Variants in ZBTB20 observed in about 807,000 individuals in gnomAD.
ZBTB20 encodes zinc finger and BTB domain containing 20, also known as zinc finger and BTB domain-containing protein 20.
Under a neutral mutation model 56.9 loss-of-function variants are expected in ZBTB20, and 9 were observed. The observed-to-expected ratio is 0.16, with a 90% CI of 0.10 to 0.28. The LOEUF (loss-of-function observed/expected upper bound fraction) is 0.28. ZBTB20 is among the 10% of genes least tolerant of loss of function. The pLI, the probability that ZBTB20 is intolerant of heterozygous loss-of-function variation, is 1.00. For synonymous variants in ZBTB20, 417 were observed against 420.7 expected (o/e 0.99, Z 0.11); for missense variants, 655 against 1,003.0 (o/e 0.65, Z 4.69).
At chr3:114,823,748 G>T (rs149012070) in intron 4 of ZBTB20, among the ~76,000 whole-genome samples, 6 of 151,958 alleles carry the variant, frequency 3.9e-5, no homozygotes, top group African/African-American at 1.2e-4. Context: ...AATATCTGCT[G>T]ATTTTATTTT....
At position 114,952,387 on chromosome 3, in the gene ZBTB20, A is replaced by G. The variant is rs548564107; in HGVS notation, c.-456+21979T>C. Among the ~76,000 whole-genome samples the G allele has an allele frequency of 3.3e-5, 5 of 152,182 alleles. No homozygotes were observed. The South Asian group carries it at 1.0e-3, about 32-fold the overall frequency. ...TGTTAGATGCTAGCATCATGATCTTAGACTTCTCAGCTTTTAGAACTGTGA... is the reference window on the plus strand; with the variant it reads ...TGTTAGATGCTAGCATCATGATCTTGGACTTCTCAGCTTTTAGAACTGTGA... On this transcript the variant is annotated intron_variant, in intron 3 of 11. Transcript: ENST00000675478.
intron 1 of ZBTB20, among the ~76,000 whole-genome samples, chr3:115,097,463 A>T (rs1460725131): frequency 1.3e-5 from 2 of 151,864 alleles, no homozygotes; most frequent in African/African-American, 4.8e-5. Context: ...TTTTTTTTAA[A>T]AAAAATCTAC....
At chr3:114,361,021 T>C (rs959327251) in intron 10 of ZBTB20, among the ~76,000 whole-genome samples, 2 of 152,176 alleles carry the variant, frequency 1.3e-5, no homozygotes, top group Non-Finnish European at 2.9e-5. Context: ...GTAGGCATTT[T>C]ATCTTTATGA....
intron 4 of ZBTB20, among the ~76,000 whole-genome samples, chr3:114,848,260 A>G (rs778663040): frequency 6.6e-6 from 1 of 152,134 alleles, no homozygotes; most frequent in East Asian, 1.9e-4. Context: ...GTCTGAACAC[A>G]TGCGGGCAGG....
intron 6 of ZBTB20, among the ~76,000 whole-genome samples, chr3:114,521,766 CCTAT>C (rs1182768551): frequency 2.0e-5 from 3 of 152,052 alleles, no homozygotes; most frequent in African/African-American, 2.4e-5. Flanking sequence ...GAAATAGTGG[CCTAT>C]CTAAGATTCT....
intron 5 of ZBTB20, among the ~76,000 whole-genome samples, chr3:114,773,187 C>T (rs751720428): frequency 1.2e-4 from 19 of 152,172 alleles, no homozygotes; most frequent in African/African-American, 2.2e-4. Context: ...AGAATCCAGC[C>T]GACACCTTGA....
intron 5 of ZBTB20, among the ~76,000 whole-genome samples, chr3:114,741,580 C>T (rs747915405): frequency 3.3e-5 from 5 of 151,986 alleles, no homozygotes; most frequent in South Asian, 2.1e-4. Context: ...GGCTTCTCTA[C>T]GACATACAGA....
intron 5 of ZBTB20, among the ~76,000 whole-genome samples, chr3:114,754,867 T>C (rs986437296): frequency 6.6e-6 from 1 of 152,228 alleles, no homozygotes; most frequent in Non-Finnish European, 1.5e-5. Context: ...ATTAGTGTTT[T>C]AGTTAGTGTT....
intron 6 of ZBTB20, among the ~76,000 whole-genome samples, chr3:114,677,471 G>C (rs1405439580): frequency 6.6e-6 from 1 of 152,072 alleles, no homozygotes; most frequent in Non-Finnish European, 1.5e-5. Flanking sequence ...ACCCTACTGT[G>C]AACTGTGTAT....
chr3:114,927,706 T>A (rs2076208594), intron 3 of ZBTB20, among the ~76,000 whole-genome samples: 1 of 152,154 alleles, frequency 6.6e-6, no homozygotes, highest in South Asian at 2.1e-4. Context: ...AAATTAAAAA[T>A]AAGCACACAT....
At chr3:114,679,661 T>A (rs1242631554) in intron 6 of ZBTB20, among the ~76,000 whole-genome samples, 1 of 152,080 alleles carries the variant, frequency 6.6e-6, no homozygotes, top group Non-Finnish European at 1.5e-5. Context: ...TGGGGAGAAA[T>A]AGGAATGCTT....
chr3:114,458,745 C>G (rs568361067), intron 7 of ZBTB20, among the ~76,000 whole-genome samples: 1 of 151,046 alleles, frequency 6.6e-6, no homozygotes, highest in Admixed American at 6.6e-5. Flanking sequence ...TTTTTTATCT[C>G]CAAACATATC....
Position 114,335,968 on chromosome 3 carries a change from G to A in ZBTB20, c.*3037C>T, listed in dbSNP as rs1421400276. On this transcript the variant is annotated 3_prime_UTR_variant, in exon 12 of 12. Coordinates refer to ENST00000675478, the MANE Select transcript of ZBTB20 (RefSeq NM_001348800.3). ...ATTTTACATGGCAAATCAGCATTAA[G>A]GCAAATGGGTCTCTCTCAGATTTGA... 6.6e-6 allele frequency: 1 copy of A among 152,188 alleles called. No individual in the cohort carries two copies. The highest frequency in any genetic ancestry group is 6.5e-5 in the Admixed American group (1 of 15,278). 9.4% of individuals were successfully genotyped at this position (152,188 alleles called of 1,614,324 possible).
At chr3:114,628,035 T>C (rs534514542) in intron 6 of ZBTB20, among the ~76,000 whole-genome samples, 52 of 152,122 alleles carry the variant, frequency 3.4e-4, no homozygotes, top group Non-Finnish European at 6.5e-4. Flanking sequence ...AGTCTCTTCA[T>C]TGAAAAATGA....
chr3:114,517,140 A>G (rs987143846), intron 6 of ZBTB20, among the ~76,000 whole-genome samples: 4 of 151,368 alleles, frequency 2.6e-5, no homozygotes, highest in African/African-American at 7.2e-5. Flanking sequence ...TAAGTAATCA[A>G]TCTATCAATC....
chr3:114,321,902 A>C lies in ZBTB20; in HGVS notation c.*17103T>G, dbSNP rs2078907334. 6.6e-6 allele frequency: 1 copy of C among 152,264 alleles called. No individual in the cohort carries two copies. The highest frequency in any genetic ancestry group is 2.1e-4 in the South Asian group (1 of 4,830). 9.4% of individuals were successfully genotyped at this position (152,264 alleles called of 1,614,324 possible). ...AAGACTGGAGGCAATGGTACAGAAA[A>C]GCGTAACTGAATAAATTATTAATCT... On this transcript the variant is annotated 3_prime_UTR_variant, in exon 12 of 12. Coordinates refer to ENST00000675478, the MANE Select transcript of ZBTB20 (RefSeq NM_001348800.3).
intron 6 of ZBTB20, among the ~76,000 whole-genome samples, chr3:114,641,985 C>G (rs2059587397): frequency 6.6e-6 from 1 of 151,932 alleles, no homozygotes; most frequent in South Asian, 2.1e-4. Context: ...TTATGCATGC[C>G]ATTTTTGTTT....
In ZBTB20 at chr3:114,994,388, T is replaced by C. The variant is rs139287884; in HGVS notation, c.-506-19972A>G. Among the ~76,000 whole-genome samples, 8 of 152,056 alleles carry C rather than the reference T, an allele frequency of 5.3e-5. No individual in the cohort carries two copies. The East Asian group carries it at 1.4e-3, about 26-fold the overall frequency. On this transcript the variant is annotated intron_variant, in intron 2 of 11. Transcript: ENST00000675478. ...AGGAATGGATAATCGTAGCCTGATA[T>C]AAACTATTACAGAAAGAAAAATAAA...
chr3:114,646,127 T>A (rs556629610), intron 6 of ZBTB20, among the ~76,000 whole-genome samples: 50 of 122,562 alleles, frequency 4.1e-4, no homozygotes, highest in African/African-American at 2.0e-3. Flanking sequence ...AATCTTTTTT[T>A]ATAAAACCTC....
Sources: allele counts gnomAD v4.1 joint callset (sites outside exome capture counted in the v4.1 genomes callset), GRCh38; gene constraint gnomAD v4.1.1; transcripts MANE v1.5; gene names NCBI Gene and HGNC (gene_info 2026-07-23, HGNC 2026-07-21).